PTPRD: variants seen among roughly 807,000 people sequenced by gnomAD.
PTPRD encodes protein tyrosine phosphatase receptor type D, also known as receptor-type tyrosine-protein phosphatase delta.
PTPRD carries 34 observed loss-of-function variants against 214.5 expected under a neutral mutation model. That is an observed-to-expected ratio of 0.16 (90% CI 0.12 to 0.21). The LOEUF (loss-of-function observed/expected upper bound fraction) is 0.21. Ranked by LOEUF, PTPRD falls within the 10% of genes least tolerant of loss-of-function variation. The probability of loss-of-function intolerance (pLI) is 1.00; values close to 1 mark genes in which losing one functional copy is unlikely to be tolerated. For missense variants in PTPRD, 2,545 were observed against 2,398.7 expected (o/e 1.06, Z -1.27); for synonymous variants, 1,128 against 845.7 (o/e 1.33, Z -5.79).
intron 2 of PTPRD, among the ~76,000 whole-genome samples, chr9:10,456,454 G>C (rs557141002): frequency 1.1e-4 from 17 of 151,942 alleles, no homozygotes; most frequent in Admixed American, 2.6e-4. Context: ...ATCAAAGTGA[G>C]AACTTTAACT....
intron 3 of PTPRD, among the ~76,000 whole-genome samples, chr9:10,099,086 T>C (rs370192471): frequency 1.3e-5 from 2 of 151,888 alleles, no homozygotes; most frequent in Non-Finnish European, 2.9e-5. Flanking sequence ...CATTAATAAA[T>C]GACATTGCTC....
intron 9 of PTPRD, among the ~76,000 whole-genome samples, chr9:9,275,196 ATAT>A (rs1365413418): frequency 0.34 from 6,531 of 19,338 alleles, 508 homozygotes; most frequent in Non-Finnish European, 0.38. Context: ...ATATATATAT[ATAT>A]TATATATATA....
intron 4 of PTPRD, among the ~76,000 whole-genome samples, chr9:9,943,212 G>C (rs2091935545): frequency 6.6e-6 from 1 of 152,102 alleles, no homozygotes; most frequent in Non-Finnish European, 1.5e-5. Context: ...TATCCTAATA[G>C]GCAGGATTCA....
intron 9 of PTPRD, among the ~76,000 whole-genome samples, chr9:9,355,961 C>A (rs773866947): frequency 1.3e-5 from 2 of 151,190 alleles, no homozygotes; most frequent in African/African-American, 4.8e-5. Flanking sequence ...CAAATGCTAC[C>A]AGTAAGATTA....
chr9:9,347,001 A>G (rs1286564615), intron 9 of PTPRD, among the ~76,000 whole-genome samples: 1 of 151,920 alleles, frequency 6.6e-6, no homozygotes, highest in Non-Finnish European at 1.5e-5. Flanking sequence ...CCAATTCCTT[A>G]ATCTTAACAC....
intron 7 of PTPRD, among the ~76,000 whole-genome samples, chr9:9,613,645 T>A (rs2094672209): frequency 6.6e-6 from 1 of 152,174 alleles, no homozygotes; most frequent in African/African-American, 2.4e-5. Context: ...AATATATCGG[T>A]CTTTTCCAAT....
chr9:8,917,232 G>T (rs1441041602), intron 11 of PTPRD, among the ~76,000 whole-genome samples: 2 of 149,370 alleles, frequency 1.3e-5, no homozygotes, highest in Non-Finnish European at 3.0e-5. Flanking sequence ...AGGTTCAAGT[G>T]ATTCTCCTGC....
At chr9:8,498,894 T>C (rs899133858) in intron 25 of PTPRD, among the ~76,000 whole-genome samples, 2 of 152,314 alleles carry the variant, frequency 1.3e-5, no homozygotes, top group East Asian at 1.9e-4. Context: ...CTCTAATTTA[T>C]GAAAAATTTT....
At chr9:9,674,985 A>G (rs1390794093) in intron 7 of PTPRD, among the ~76,000 whole-genome samples, 2 of 151,884 alleles carry the variant, frequency 1.3e-5, no homozygotes, top group Non-Finnish European at 2.9e-5. Context: ...TTGGACAGAT[A>G]GGATACATAG....
At chr9:9,871,543 G>A (rs1385997273) in intron 5 of PTPRD, among the ~76,000 whole-genome samples, 1 of 152,230 alleles carries the variant, frequency 6.6e-6, no homozygotes, top group Admixed American at 6.5e-5. Context: ...CTCAGGGGCA[G>A]AGTGTAAGCA....
chr9:9,900,912 A>C (rs2076252038), intron 5 of PTPRD, among the ~76,000 whole-genome samples: 1 of 152,104 alleles, frequency 6.6e-6, no homozygotes, highest in South Asian at 2.1e-4. Context: ...AGGTATCTTT[A>C]TAGCAATGCC....
intron 8 of PTPRD, among the ~76,000 whole-genome samples, chr9:9,553,866 T>C (rs2080905580): frequency 6.6e-6 from 1 of 152,050 alleles, no homozygotes; most frequent in Non-Finnish European, 1.5e-5. Flanking sequence ...ACTTAATTGC[T>C]GATTATTGGG....
At chr9:9,533,456 T>C (rs2075905204) in intron 8 of PTPRD, among the ~76,000 whole-genome samples, 1 of 152,146 alleles carries the variant, frequency 6.6e-6, no homozygotes. Context: ...ATCTGTTTAA[T>C]TTTGATGCTC....
At chr9:9,935,301 G>C (rs2088761690) in intron 5 of PTPRD, among the ~76,000 whole-genome samples, 1 of 152,152 alleles carries the variant, frequency 6.6e-6, no homozygotes, top group Non-Finnish European at 1.5e-5. Context: ...GTTTGCAGAA[G>C]ACATGATTGT....
intron 14 of PTPRD, among the ~76,000 whole-genome samples, chr9:8,563,651 G>T (rs1446829159): frequency 2.0e-5 from 3 of 151,580 alleles, no homozygotes. Flanking sequence ...TGGCCAGGCT[G>T]GTCTTGAACT....
At chr9:9,599,939 G>C (rs758921459) in intron 7 of PTPRD, among the ~76,000 whole-genome samples, 11 of 152,028 alleles carry the variant, frequency 7.2e-5, no homozygotes, top group Admixed American at 4.6e-4. Flanking sequence ...TCAACTGACA[G>C]AATTATTTAA....
At chr9:9,426,975 T>G (rs1378627657) in intron 8 of PTPRD, among the ~76,000 whole-genome samples, 1 of 152,072 alleles carries the variant, frequency 6.6e-6, no homozygotes, top group Non-Finnish European at 1.5e-5. Context: ...GCAGAAAAGA[T>G]GAAAAATCTA....
chr9:9,007,894 T>TG (rs1003781704), intron 11 of PTPRD, among the ~76,000 whole-genome samples: 3 of 146,842 alleles, frequency 2.0e-5, no homozygotes, highest in South Asian at 2.2e-4. Flanking sequence ...TGTTTTTTTT[T>TG]TTTGTTTTTG....
rs558902669 is a variant in PTPRD, at chr9:10,396,591, A to G, written c.-599-55574T>C. 5.9e-5 allele frequency among the ~76,000 whole-genome samples: 9 copies of G among 152,166 alleles called. No individual in the cohort carries two copies. In the South Asian group the frequency reaches 1.9e-3, roughly 32 times the overall value. On this transcript the variant is annotated intron_variant, in intron 2 of 45. Coordinates refer to ENST00000381196, the MANE Select transcript of PTPRD (RefSeq NM_002839.4). ...GGAAGAGAATTAGAGAGACAGTGTAACTGAAATCAATCCATCTGGTTAGCT... is the reference window on the plus strand; with the variant it reads ...GGAAGAGAATTAGAGAGACAGTGTAGCTGAAATCAATCCATCTGGTTAGCT...
Sources: gnomAD v4.1 joint callset for allele counts (sites outside exome capture counted in the v4.1 genomes callset) on GRCh38, gnomAD v4.1.1 for gene constraint, MANE v1.5 for transcripts, NCBI Gene and HGNC (gene_info 2026-07-23, HGNC 2026-07-21) for gene names.